Variants in SPHKAP observed in about 807,000 individuals in gnomAD.
The protein encoded by SPHKAP is SPHK1 interactor, AKAP domain containing.
Under a neutral mutation model 137.5 loss-of-function variants are expected in SPHKAP, and 67 were observed. The observed-to-expected ratio is 0.49, with a 90% CI of 0.40 to 0.60. The LOEUF (loss-of-function observed/expected upper bound fraction) is 0.60, where lower values mean the gene tolerates loss of function less well. SPHKAP is among the 20% of genes least tolerant of loss of function. SPHKAP has a pLI of 0.00. For missense variants in SPHKAP, 2,097 were observed against 2,069.3 expected (o/e 1.01, Z -0.26); for synonymous variants, 813 against 785.3 (o/e 1.04, Z -0.59).
chr2:228,007,038 C>G (rs1261415165), intron 7 of SPHKAP, among the ~76,000 whole-genome samples: 1 of 152,178 alleles, frequency 6.6e-6, no homozygotes, highest in Non-Finnish European at 1.5e-5. Context: ...CAACTCTATG[C>G]TGGGAGAACC....
chr2:227,994,693 T>C (rs1365784970), intron 8 of SPHKAP, among the ~76,000 whole-genome samples: 1 of 152,204 alleles, frequency 6.6e-6, no homozygotes, highest in East Asian at 1.9e-4. Flanking sequence ...ATAAACCTTA[T>C]TGTTGAGTCC....
At chr2:228,043,094 T>C (rs1301579000) in intron 3 of SPHKAP, among the ~76,000 whole-genome samples, 1 of 152,228 alleles carries the variant, frequency 6.6e-6, no homozygotes, top group Non-Finnish European at 1.5e-5. Context: ...TCATTATTGC[T>C]GATTAAATTT....
intron 11 of SPHKAP, 80 bp from the exon 12 acceptor site, chr2:227,981,940 C>T (rs1693010996): frequency 2.0e-6 from 3 of 1,498,364 alleles, no homozygotes; most frequent in Non-Finnish European, 2.7e-6. Context: ...CTCGCGAAGC[C>T]AATGGCTCTC....
intron 3 of SPHKAP, among the ~76,000 whole-genome samples, chr2:228,049,806 T>C (rs899546407): frequency 2.0e-5 from 3 of 152,222 alleles, no homozygotes; most frequent in African/African-American, 4.8e-5. Context: ...GTTGCACCCA[T>C]GTTGCTGCAA....
At chr2:228,099,638 T>G (rs1698119457) in intron 3 of SPHKAP, among the ~76,000 whole-genome samples, 1 of 152,214 alleles carries the variant, frequency 6.6e-6, no homozygotes, top group Admixed American at 6.5e-5. Context: ...TTAATGATAT[T>G]GATTCTTCTA....
chr2:228,178,786 A>G (rs1319981690), intron 1 of SPHKAP, among the ~76,000 whole-genome samples: 4 of 152,080 alleles, frequency 2.6e-5, no homozygotes, highest in African/African-American at 4.8e-5. Context: ...TCCAGCTTTG[A>G]TAACCAGTGA....
At chr2:228,028,503 A>T (rs1695148275) in intron 3 of SPHKAP, among the ~76,000 whole-genome samples, 1 of 152,274 alleles carries the variant, frequency 6.6e-6, no homozygotes. Flanking sequence ...ATAATGAACA[A>T]CATTTTGGTC....
At chr2:227,986,627 C>T (rs531515864) in intron 11 of SPHKAP, among the ~76,000 whole-genome samples, 2 of 152,252 alleles carry the variant, frequency 1.3e-5, no homozygotes, top group Middle Eastern at 3.4e-3. Flanking sequence ...TTTTCTTCCA[C>T]CACTTTGTAT....
intron 3 of SPHKAP, among the ~76,000 whole-genome samples, chr2:228,086,747 G>A (rs755964607): frequency 2.0e-4 from 31 of 152,156 alleles, no homozygotes; most frequent in Non-Finnish European, 4.1e-4. Flanking sequence ...GATCTCTGAA[G>A]CTCTCCTCAA....
chr2:228,029,861 C>T lies in SPHKAP; in HGVS notation c.247-2318G>A, dbSNP rs79148257. ...ATTCACCTTAAAGAAAGGCCCATTA[C>T]CTTGCTCCTGGGCATGACAAAGCTT... On this transcript the variant is annotated intron_variant, in intron 3 of 11. Transcript: ENST00000392056. Among the ~76,000 whole-genome samples, 417 of 152,240 alleles carry T rather than the reference C, an allele frequency of 2.7e-3. 1 individual carries two copies. Among genetic ancestry groups the T allele is most frequent in the African/African-American group, 9.5e-3 (394 of 41,548 alleles).
chr2:228,111,745 A>G (rs1385018752), intron 2 of SPHKAP, among the ~76,000 whole-genome samples: 2 of 152,136 alleles, frequency 1.3e-5, no homozygotes, highest in African/African-American at 4.8e-5. Flanking sequence ...TTGAAAATGA[A>G]GACCTTGAGT....
At chr2:228,146,224 A>G (rs1028721960) in intron 1 of SPHKAP, among the ~76,000 whole-genome samples, 1 of 152,242 alleles carries the variant, frequency 6.6e-6, no homozygotes, top group African/African-American at 2.4e-5. Flanking sequence ...ATAGTGGTAC[A>G]TTTGTTACAA....
intron 7 of SPHKAP, among the ~76,000 whole-genome samples, chr2:228,007,573 C>G (rs1271080089): frequency 6.6e-6 from 1 of 152,030 alleles, no homozygotes; most frequent in Non-Finnish European, 1.5e-5. Flanking sequence ...GTATTTGTCT[C>G]TCAGTGCTTG....
Position 227,981,749 on chromosome 2 carries a change from T to G in SPHKAP, c.5071A>C (p.Ser1691Arg), listed in dbSNP as rs571822525. Reference protein sequence around the residue: ...MHEEQKDGRLSLFDWLLELG With the variant: ...MHEEQKDGRLRLFDWLLELG ...AGTTCCAAGAGCCAGTCAAAGAGACTCAGTCTCCCATCCTTCTGCTCCTCA... is the reference window on the plus strand; with the variant it reads ...AGTTCCAAGAGCCAGTCAAAGAGACGCAGTCTCCCATCCTTCTGCTCCTCA... The change falls in exon 12 of 12, where the codon AGT becomes CGT. Residue 1691 changes from serine (S) to arginine (R), a missense_variant. Physicochemically the swap from Ser to Arg is moderately radical, Grantham distance 110. Transcript: ENST00000392056. 5.6e-6 allele frequency: 9 copies of G among 1,613,726 alleles called. No individual in the cohort carries two copies. In the South Asian group the frequency reaches 8.8e-5, roughly 16 times the overall value.
chr2:228,015,516 T>A (rs1335807532), intron 7 of SPHKAP, among the ~76,000 whole-genome samples: 2 of 152,204 alleles, frequency 1.3e-5, no homozygotes, highest in East Asian at 1.9e-4. Context: ...GCTAAAGAAA[T>A]GATACAATGG....
intron 9 of SPHKAP, among the ~76,000 whole-genome samples, chr2:227,993,035 G>A (rs1693475213): frequency 6.6e-6 from 1 of 152,012 alleles, no homozygotes; most frequent in South Asian, 2.1e-4. Context: ...TCTTAAGGAA[G>A]TCCCCATATT....
intron 3 of SPHKAP, among the ~76,000 whole-genome samples, chr2:228,031,122 G>C (rs577752684): frequency 3.3e-5 from 5 of 152,312 alleles, no homozygotes; most frequent in Admixed American, 3.3e-4. Context: ...CCTAGTCAAA[G>C]AAAGGGGTGA....
chr2:228,056,236 G>C (rs773179952), intron 3 of SPHKAP, among the ~76,000 whole-genome samples: 1 of 152,234 alleles, frequency 6.6e-6, no homozygotes, highest in South Asian at 2.1e-4. Context: ...CTCATGAAGA[G>C]AGGGGCCATG....
chr2:228,103,437 C>T (rs533991850), intron 3 of SPHKAP, among the ~76,000 whole-genome samples: 109 of 152,258 alleles, frequency 7.2e-4, no homozygotes, highest in African/African-American at 2.4e-3. Context: ...TCTGCACCCA[C>T]GTAAGGGGGA....
Sources: allele counts gnomAD v4.1 joint callset (sites outside exome capture counted in the v4.1 genomes callset), GRCh38; gene constraint gnomAD v4.1.1; transcripts MANE v1.5; gene names NCBI Gene and HGNC (gene_info 2026-07-23, HGNC 2026-07-21).